SDK1: variants seen among roughly 807,000 people sequenced by gnomAD.
SDK1 encodes protein sidekick-1.
Under a neutral mutation model 245.5 loss-of-function variants are expected in SDK1, and 157 were observed. The observed-to-expected ratio is 0.64, with a 90% CI of 0.56 to 0.73. SDK1 has a LOEUF of 0.73. Ranked by LOEUF, SDK1 falls within the 30% of genes least tolerant of loss-of-function variation. The probability of loss-of-function intolerance (pLI) is 0.00; values close to 1 mark genes in which losing one functional copy is unlikely to be tolerated. For synonymous variants in SDK1, 1,647 were observed against 1,278.5 expected, an observed-to-expected ratio of 1.29 and a Z score of -6.15; for missense variants, 3,583 against 3,002.3, an observed-to-expected ratio of 1.19 and a Z score of -4.52.
Position 4,049,537 on chromosome 7 carries a change from C to CGAGTG in SDK1, c.2718+74_2718+75insGAGTG, listed in dbSNP as rs1358787683. 4 of 1,130,482 alleles carry CGAGTG rather than the reference C, an allele frequency of 3.5e-6. No homozygotes were observed. The African/African-American group carries it at 6.1e-5, about 17-fold the overall frequency. 70.0% of individuals were successfully genotyped at this position (1,130,482 alleles called of 1,614,324 possible). ...CCACAGCGCGACGCAGCTGGAGGCA[C>CGAGTG]CCCCTCTTGTGTATCAAGAGCTGGT... On this transcript the variant is annotated intron_variant, in intron 18 of 44. Coordinates refer to ENST00000404826, the MANE Select transcript of SDK1 (RefSeq NM_152744.4).
At chr7:3,724,453 C>T (rs888681740) in intron 4 of SDK1, among the ~76,000 whole-genome samples, 1 of 152,042 alleles carries the variant, frequency 6.6e-6, no homozygotes, top group African/African-American at 2.4e-5. Flanking sequence ...TTCTATTGTA[C>T]CATCACCTTA....
Position 3,467,303 on chromosome 7 carries a change from T to C in SDK1, c.299-151777T>C, listed in dbSNP as rs190399593. ...TTTGGAGCCAATTAAATGCCACTTATGTTTCTCTAAAAAAAAGGAAACTAC... is the reference window on the plus strand; with the variant it reads ...TTTGGAGCCAATTAAATGCCACTTACGTTTCTCTAAAAAAAAGGAAACTAC... On this transcript the variant is annotated intron_variant, in intron 1 of 44. Transcript: ENST00000404826. 3.6e-3 allele frequency among the ~76,000 whole-genome samples: 542 copies of C among 152,156 alleles called. 5 individuals are homozygous for C. The highest frequency in any genetic ancestry group is 0.011 in the African/African-American group (470 of 41,542).
chr7:4,266,678 C>T lies in SDK1; in HGVS notation c.*1294C>T, dbSNP rs1297217095. 1.0e-6 allele frequency: 1 copy of T among 985,374 alleles called. No homozygotes were observed. The highest frequency in any genetic ancestry group is 1.2e-6 in the Non-Finnish European group (1 of 829,950). The allele number at this position is 985,374 out of a possible 1,614,324, so 61.0% of individuals were successfully genotyped here. A position where few individuals can be genotyped will look rare whatever the true frequency, so the allele number is the denominator to read the frequency against. On this transcript the variant is annotated 3_prime_UTR_variant, in exon 45 of 45. Transcript: ENST00000404826. ...TAACAGCTCAGAGATGGCCATGCCT[C>T]CAGCCCCTCACGTCATCTTTGCAAC...
intron 1 of SDK1, among the ~76,000 whole-genome samples, chr7:3,392,164 G>C (rs1303141057): frequency 6.6e-6 from 1 of 151,920 alleles, no homozygotes; most frequent in East Asian, 1.9e-4. Flanking sequence ...TAAAACCTTT[G>C]CATAACAGAC....
At chr7:4,099,804 G>A (rs991735896) in intron 22 of SDK1, among the ~76,000 whole-genome samples, 4 of 150,930 alleles carry the variant, frequency 2.7e-5, no homozygotes, top group African/African-American at 7.3e-5. Context: ...CGCAGCTGGT[G>A]GGAAAGGCCA....
intron 1 of SDK1, among the ~76,000 whole-genome samples, chr7:3,572,424 C>G (rs1340471782): frequency 6.6e-6 from 1 of 151,912 alleles, no homozygotes; most frequent in Admixed American, 6.6e-5. Flanking sequence ...GTACCAAGAC[C>G]TAGGCTTGGC....
intron 5 of SDK1, among the ~76,000 whole-genome samples, chr7:3,893,087 G>T (rs940293589): frequency 3.9e-5 from 6 of 152,172 alleles, no homozygotes; most frequent in African/African-American, 1.4e-4. Flanking sequence ...CTCTGACTCT[G>T]TTTCCTCATC....
intron 5 of SDK1, among the ~76,000 whole-genome samples, chr7:3,913,803 G>T (rs543022567): frequency 1.3e-5 from 2 of 152,124 alleles, no homozygotes; most frequent in African/African-American, 4.8e-5. Context: ...GCTGACCCCT[G>T]ACAATTTCTC....
At chr7:3,558,113 T>C (rs1232340687) in intron 1 of SDK1, among the ~76,000 whole-genome samples, 1 of 151,348 alleles carries the variant, frequency 6.6e-6, no homozygotes, top group Non-Finnish European at 1.5e-5. Context: ...CAGCATATTC[T>C]ATTGAAATGG....
chr7:3,389,101 G>C (rs1562457085), intron 1 of SDK1, among the ~76,000 whole-genome samples: 1 of 152,162 alleles, frequency 6.6e-6, no homozygotes, highest in Admixed American at 6.5e-5. Flanking sequence ...GGAATGAGTG[G>C]TGGGAGGAAT....
chr7:4,265,645 A>G lies in SDK1; in HGVS notation c.*261A>G. 1 of 1,266,182 alleles carries G rather than the reference A, an allele frequency of 7.9e-7. No individual in the cohort carries two copies. Among genetic ancestry groups the G allele is most frequent in the Non-Finnish European group, 9.9e-7 (1 of 1,010,632 alleles). The allele number at this position is 1,266,182 out of a possible 1,614,324, so 78.4% of individuals were successfully genotyped here. On this transcript the variant is annotated 3_prime_UTR_variant, in exon 45 of 45. Transcript: ENST00000404826. ...AGAGAAGGTGTATTTCACTGGTGCA[A>G]TGGCTTGGCACCTCCGGGGCCTGGG...
chr7:4,203,030 C>T (rs545595912), intron 35 of SDK1, among the ~76,000 whole-genome samples: 74 of 152,298 alleles, frequency 4.9e-4, no homozygotes, highest in African/African-American at 1.5e-3. Context: ...CACTTAGGGA[C>T]GGCGAGCACA....
intron 44 of SDK1, among the ~76,000 whole-genome samples, chr7:4,247,948 C>T (rs780630904): frequency 3.3e-5 from 5 of 152,110 alleles, no homozygotes; most frequent in Non-Finnish European, 7.4e-5. Flanking sequence ...GATGGTGTGT[C>T]CTAGAGCAGG....
At chr7:3,953,327 C>A (rs1221381719) in intron 7 of SDK1, among the ~76,000 whole-genome samples, 1 of 152,178 alleles carries the variant, frequency 6.6e-6, no homozygotes, top group African/African-American at 2.4e-5. Flanking sequence ...CAGTGCAAAC[C>A]TGTCGGTCCC....
chr7:3,352,957 C>T (rs145439932), intron 1 of SDK1, among the ~76,000 whole-genome samples: 19 of 152,132 alleles, frequency 1.2e-4, no homozygotes, highest in South Asian at 2.1e-4. Flanking sequence ...CATGGGAATA[C>T]TTTGTTGTAG....
At chr7:3,709,228 G>C (rs1784967246) in intron 4 of SDK1, among the ~76,000 whole-genome samples, 1 of 152,110 alleles carries the variant, frequency 6.6e-6, no homozygotes, top group Non-Finnish European at 1.5e-5. Flanking sequence ...AAAATTCTTG[G>C]CTGACAGTTA....
At chr7:3,518,143 C>T (rs760741755) in intron 1 of SDK1, among the ~76,000 whole-genome samples, 1 of 152,152 alleles carries the variant, frequency 6.6e-6, no homozygotes, top group Admixed American at 6.5e-5. Flanking sequence ...ATAGCATACC[C>T]AGTTTGAGTA....
intron 26 of SDK1, chr7:4,129,668 C>T: frequency 7.3e-7 from 1 of 1,378,738 alleles, no homozygotes; most frequent in Non-Finnish European, 9.4e-7. Context: ...GACCAGGCAG[C>T]AGGCTCGCCA....
intron 1 of SDK1, among the ~76,000 whole-genome samples, chr7:3,433,192 T>C (rs1271177621): frequency 6.6e-6 from 1 of 152,186 alleles, no homozygotes; most frequent in Non-Finnish European, 1.5e-5. Flanking sequence ...GGTCAGAGAA[T>C]ATGCCTGGCT....
Sources: gnomAD v4.1 joint callset for allele counts (sites outside exome capture counted in the v4.1 genomes callset) on GRCh38, gnomAD v4.1.1 for gene constraint, MANE v1.5 for transcripts, NCBI Gene and HGNC (gene_info 2026-07-23, HGNC 2026-07-21) for gene names.